The following CMKLR1 variants were observed in gnomAD, a reference collection of about 807,000 sequenced individuals.
The protein encoded by CMKLR1 is chemerin chemokine-like receptor 1.
Under a neutral mutation model 8.2 loss-of-function variants are expected in CMKLR1, and 6 were observed. That is an observed-to-expected ratio of 0.73 (90% confidence interval 0.40 to 1.44). CMKLR1 has a LOEUF of 1.44. CMKLR1 is among the 40% of genes most tolerant of loss of function. The pLI, the probability that CMKLR1 is intolerant of heterozygous loss-of-function variation, is 0.02. For synonymous variants in CMKLR1, 178 were observed against 181.2 expected, an observed-to-expected ratio of 0.98 and a Z score of 0.14; for missense variants, 429 against 478.0, an observed-to-expected ratio of 0.90 and a Z score of 0.96.
chr12:108,324,762 C>G (rs879940255), intron 2 of CMKLR1, among the ~76,000 whole-genome samples: 4 of 152,054 alleles, frequency 2.6e-5, no homozygotes, highest in Non-Finnish European at 5.9e-5. Flanking sequence ...TCCCTGAGGG[C>G]TGAGGGTGCA....
chr12:108,325,812 C>T (rs914020229), intron 2 of CMKLR1, among the ~76,000 whole-genome samples: 4 of 152,242 alleles, frequency 2.6e-5, no homozygotes, highest in Non-Finnish European at 4.4e-5. Flanking sequence ...ACCAACACCA[C>T]ATCCTCTCCC....
At chr12:108,319,309 C>G (rs1474099780) in intron 2 of CMKLR1, among the ~76,000 whole-genome samples, 1 of 152,188 alleles carries the variant, frequency 6.6e-6, no homozygotes, top group South Asian at 2.1e-4. Context: ...TGAGGACCAC[C>G]CCTACCTCAC....
At chr12:108,314,934 G>GTTT (rs3045858) in intron 2 of CMKLR1, among the ~76,000 whole-genome samples, 1,721 of 109,522 alleles carry the variant, frequency 0.016, 63 homozygotes, top group East Asian at 0.066. Context: ...ACACAGCCTT[G>GTTT]TTTTTTTTTT....
At chr12:108,296,319 T>C (rs1041248748) in intron 2 of CMKLR1, among the ~76,000 whole-genome samples, 2 of 152,210 alleles carry the variant, frequency 1.3e-5, no homozygotes, top group African/African-American at 4.8e-5. Flanking sequence ...CATAAGAAGA[T>C]GGTTGTGAGG....
intron 2 of CMKLR1, among the ~76,000 whole-genome samples, chr12:108,301,071 CTTTTTT>C (rs11303250): frequency 2.2e-5 from 2 of 90,390 alleles, no homozygotes; most frequent in Non-Finnish European, 4.2e-5. Flanking sequence ...CCACCCAAGT[CTTTTTT>C]TTTTTTTTTT....
At chr12:108,298,305 A>C (rs901761642) in intron 2 of CMKLR1, among the ~76,000 whole-genome samples, 2 of 152,202 alleles carry the variant, frequency 1.3e-5, no homozygotes, top group Admixed American at 6.5e-5. Flanking sequence ...TGTATCAAGC[A>C]CTTTCATTGC....
chr12:108,324,138 G>A (rs564048450), intron 2 of CMKLR1, among the ~76,000 whole-genome samples: 52 of 152,178 alleles, frequency 3.4e-4, no homozygotes, highest in Non-Finnish European at 6.2e-4. Context: ...CCCTGGTGAC[G>A]ACTGGGTTCT....
At chr12:108,321,306 A>G (rs977043166) in intron 2 of CMKLR1, among the ~76,000 whole-genome samples, 4 of 152,118 alleles carry the variant, frequency 2.6e-5, no homozygotes, top group Non-Finnish European at 5.9e-5. Flanking sequence ...TTTTTTCAAA[A>G]TCAAATTTAC....
intron 2 of CMKLR1, among the ~76,000 whole-genome samples, chr12:108,314,166 C>T (rs1458544677): frequency 6.6e-6 from 1 of 152,066 alleles, no homozygotes; most frequent in East Asian, 1.9e-4. Flanking sequence ...ATACAGGGAA[C>T]ATAAATTAAA....
rs1890860075 is a variant in CMKLR1, at chr12:108,288,354, A to T, written c.*3487T>A. On this transcript the variant is annotated 3_prime_UTR_variant, in exon 4 of 4. Coordinates refer to ENST00000550402, the MANE Select transcript of CMKLR1 (RefSeq NM_001142343.2). ...AGAGTCCTCAGGGGAAGCTCTCAAAACCTCAGTTCCCTCATCTGTGAAATG... is the reference window on the plus strand; with the variant it reads ...AGAGTCCTCAGGGGAAGCTCTCAAATCCTCAGTTCCCTCATCTGTGAAATG... The T allele has an allele frequency of 6.6e-6, 1 of 151,184 alleles. No homozygotes were observed. Among genetic ancestry groups the T allele is most frequent in the Non-Finnish European group, 1.5e-5 (1 of 67,824 alleles). The allele number at this position is 151,184 out of a possible 1,614,324, so 9.4% of individuals were successfully genotyped here.
intron 2 of CMKLR1, among the ~76,000 whole-genome samples, chr12:108,300,298 C>T (rs1891234916): frequency 6.6e-6 from 1 of 152,208 alleles, no homozygotes; most frequent in South Asian, 2.1e-4. Context: ...GCTTAGAAAT[C>T]ACATTGGGGT....
chr12:108,325,145 C>T (rs1243159479), intron 2 of CMKLR1, among the ~76,000 whole-genome samples: 1 of 152,138 alleles, frequency 6.6e-6, no homozygotes, highest in South Asian at 2.1e-4. Context: ...GATCAGGCAG[C>T]CTGGAGTTGT....
chr12:108,309,536 CAA>C (rs559833092), intron 2 of CMKLR1, among the ~76,000 whole-genome samples: 7 of 135,184 alleles, frequency 5.2e-5, no homozygotes, highest in Admixed American at 7.4e-5. Flanking sequence ...CCTCCATCTC[CAA>C]AAAAAAAAAA....
At chr12:108,297,694 C>T (rs555329797) in intron 2 of CMKLR1, among the ~76,000 whole-genome samples, 12 of 152,308 alleles carry the variant, frequency 7.9e-5, no homozygotes, top group African/African-American at 2.9e-4. Context: ...TTCCAAGGAT[C>T]CCAAGTGAAA....
rs1890966732 is a variant in CMKLR1, at chr12:108,291,578, C to A, written c.*263G>T. The A allele has an allele frequency of 2.2e-6, 1 of 447,212 alleles. No individual in the cohort carries two copies. The highest frequency in any genetic ancestry group is 2.0e-5 in the African/African-American group (1 of 50,546). The allele number at this position is 447,212 out of a possible 1,614,324, so 27.7% of individuals were successfully genotyped here. The stretch of plus-strand genomic sequence containing the variant: ...CATGGCAATGCTTTTGAGAATTCTT[C>A]CTTTTTTGCTTTGAGTCAGTCAAGG... On this transcript the variant is annotated 3_prime_UTR_variant, in exon 4 of 4. Transcript: ENST00000550402.
chr12:108,297,240 T>C (rs1465034529), intron 2 of CMKLR1, among the ~76,000 whole-genome samples: 1 of 152,206 alleles, frequency 6.6e-6, no homozygotes, highest in African/African-American at 2.4e-5. Context: ...ACTTAATAAA[T>C]AGTAAATATA....
chr12:108,307,933 C>T lies in CMKLR1; in HGVS notation c.-73-14269G>A, dbSNP rs571073168. On this transcript the variant is annotated intron_variant, in intron 2 of 3. Transcript: ENST00000550402. The stretch of plus-strand genomic sequence containing the variant: ...CTCTGTGGCACACCTAGAAAAACAG[C>T]CAGCCCTTCATCAGGTCACAAACAA... 7.2e-5 allele frequency among the ~76,000 whole-genome samples: 11 copies of T among 152,300 alleles called. No individual in the cohort carries two copies. In the South Asian group the frequency reaches 2.1e-3, roughly 29 times the overall value.
intron 2 of CMKLR1, among the ~76,000 whole-genome samples, chr12:108,322,814 T>C (rs1199196721): frequency 6.6e-6 from 1 of 152,164 alleles, no homozygotes. Flanking sequence ...AATAAACCTC[T>C]TTTCTTAGTA....
At chr12:108,317,009 G>T (rs1382622779) in intron 2 of CMKLR1, among the ~76,000 whole-genome samples, 3 of 152,114 alleles carry the variant, frequency 2.0e-5, no homozygotes, top group Non-Finnish European at 4.4e-5. Flanking sequence ...CGCCATGTTG[G>T]CCAAGCTGGT....
Sources: allele counts gnomAD v4.1 joint callset (sites outside exome capture counted in the v4.1 genomes callset), GRCh38; gene constraint gnomAD v4.1.1; transcripts MANE v1.5; gene names NCBI Gene and HGNC (gene_info 2026-07-23, HGNC 2026-07-21).